SLC29A4: variants seen among roughly 807,000 people sequenced by gnomAD.
The protein encoded by SLC29A4 is solute carrier family 29 member 4, also known as equilibrative nucleoside transporter 4.
A neutral mutation model predicts 43.9 loss-of-function variants in SLC29A4; 36 were observed. The ratio of observed to expected loss-of-function variants is 0.82; its 90% confidence interval spans 0.63 to 1.08. The LOEUF is 1.08. Ranked by LOEUF, SLC29A4 falls within the 50% of genes least tolerant of loss-of-function variation. The probability of loss-of-function intolerance (pLI) is 0.00; values close to 1 mark genes in which losing one functional copy is unlikely to be tolerated. For synonymous variants in SLC29A4, 491 were observed against 338.0 expected, an observed-to-expected ratio of 1.45 and a Z score of -4.97; for missense variants, 869 against 755.3, an observed-to-expected ratio of 1.15 and a Z score of -1.77.
At chr7:5,302,586 C>T (rs1208891097) in intron 10 of SLC29A4, among the ~76,000 whole-genome samples, 5 of 152,176 alleles carry the variant, frequency 3.3e-5, no homozygotes, top group Non-Finnish European at 2.9e-5. Context: ...AGAAGGCAGG[C>T]AAGGCCTGGA....
chr7:5,296,478 G>A (rs1420532001), intron 6 of SLC29A4, among the ~76,000 whole-genome samples: 1 of 134,376 alleles, frequency 7.4e-6, no homozygotes, highest in East Asian at 2.3e-4. Context: ...TGGGGCGGGA[G>A]AGACGGGACT....
rs1222961739 is a variant in SLC29A4 at position 5,303,552 on chromosome 7, C to T, written c.*613C>T. On this transcript the variant is annotated 3_prime_UTR_variant, in exon 11 of 11. Transcript: ENST00000396872. ...TCCGAATGGACCCGCCTGCGGTCTG[C>T]ATCAGCCTCTGGGAAACCACAGCAG... 3 of 153,878 alleles carry T rather than the reference C, an allele frequency of 1.9e-5. No individual in the cohort carries two copies. Among genetic ancestry groups the T allele is most frequent in the African/African-American group, 4.8e-5 (2 of 41,468 alleles). 9.5% of individuals were successfully genotyped at this position (153,878 alleles called of 1,614,324 possible).
chr7:5,300,434 C>T lies in SLC29A4; in HGVS notation c.1222C>T (p.Leu408=). The stretch of plus-strand genomic sequence containing the variant: ...TGGCTCTCTGCAGATCCTGGCAGCC[C>T]TGCCCGTGGACTGGCGGGGCACCCA... The part of the protein sequence containing the change: ...SDFVGKILAA[L]PVDWRGTHLL... Residue 408 remains leucine, a synonymous_variant, in exon 10 of 11, where the codon CTG becomes TTG. Transcript: ENST00000396872. 1 of 1,611,436 alleles carries T rather than the reference C, an allele frequency of 6.2e-7. No individual in the cohort carries two copies. The highest frequency in any genetic ancestry group is 8.5e-7 in the Non-Finnish European group (1 of 1,179,730).
rs1356949615 is a variant in SLC29A4, at chr7:5,304,394, T to G, written c.*1455T>G. ...GTGGGCGGGGCTTGGCCCCTGCCCC[T>G]CAGGGACTGCACTGCATCCTAGGAG... On this transcript the variant is annotated 3_prime_UTR_variant, in exon 11 of 11. Coordinates refer to ENST00000396872, the MANE Select transcript of SLC29A4 (RefSeq NM_153247.4). 3 of 140,060 alleles carry G rather than the reference T, an allele frequency of 2.1e-5. No individual in the cohort carries two copies. Among genetic ancestry groups the G allele is most frequent in the Admixed American group, 1.6e-4 (2 of 12,642 alleles). 8.7% of individuals were successfully genotyped at this position (140,060 alleles called of 1,614,324 possible).
Position 5,291,698 on chromosome 7 carries a change from C to A in SLC29A4, c.421C>A (p.Leu141Ile), listed in dbSNP as rs369629866. Residue 141 changes from leucine (L) to isoleucine (I), a missense_variant, in exon 5 of 11, where the codon CTC becomes ATC. By Grantham distance (5) the Leu-to-Ile change is conservative. Coordinates refer to ENST00000396872, the MANE Select transcript of SLC29A4 (RefSeq NM_153247.4). ...TLHTRITAGY[L>I]LALGPLLFIS... is the part of the protein sequence containing the mutation. ...ACTAGCCTCTCCCCCAACAGGCTAC[C>A]TCTTAGCCTTGGGCCCTCTCCTTTT... The A allele has an allele frequency of 1.2e-5, 19 of 1,609,840 alleles. No homozygotes were observed. Among genetic ancestry groups the A allele is most frequent in the Non-Finnish European group, 1.6e-5 (19 of 1,178,632 alleles).
chr7:5,290,957 G>T, intron 3 of SLC29A4, 94 bp downstream of exon 3: 2 of 1,546,698 alleles, frequency 1.3e-6, no homozygotes, highest in Non-Finnish European at 8.7e-7. Context: ...TCCTACACGG[G>T]GACCTGTTTT....
chr7:5,294,619 C>T (rs1233857609), intron 5 of SLC29A4, among the ~76,000 whole-genome samples: 7 of 152,260 alleles, frequency 4.6e-5, no homozygotes, highest in Middle Eastern at 3.4e-3. Context: ...CACTGCCTTG[C>T]CCAGTAGTGA....
intron 1 of SLC29A4, among the ~76,000 whole-genome samples, chr7:5,287,340 C>T (rs1785016315): frequency 1.3e-5 from 2 of 151,888 alleles, no homozygotes; most frequent in Non-Finnish European, 2.9e-5. Context: ...ATCCCTTGAG[C>T]CCAGGAGGTC....
At chr7:5,286,599 C>T (rs1197856396) in intron 1 of SLC29A4, among the ~76,000 whole-genome samples, 1 of 152,030 alleles carries the variant, frequency 6.6e-6, no homozygotes, top group Non-Finnish European at 1.5e-5. Flanking sequence ...CAGGGCTGCC[C>T]ACACAGTGCA....
rs1005996849 is a variant in SLC29A4, at chr7:5,303,697, G to A, written c.*758G>A. 6 of 152,370 alleles carry A rather than the reference G, an allele frequency of 3.9e-5. No homozygotes were observed. Among genetic ancestry groups the A allele is most frequent in the Admixed American group, 1.3e-4 (2 of 15,284 alleles). The allele number at this position is 152,370 out of a possible 1,614,324, so 9.4% of individuals were successfully genotyped here. ...TCCTGGCCCGGGATAGAAGAGGGGAGGTAAGTCTGGGGGCTACGAAGCCGG... is the reference window on the plus strand; with the variant it reads ...TCCTGGCCCGGGATAGAAGAGGGGAAGTAAGTCTGGGGGCTACGAAGCCGG... On this transcript the variant is annotated 3_prime_UTR_variant, in exon 11 of 11. Coordinates refer to ENST00000396872, the MANE Select transcript of SLC29A4 (RefSeq NM_153247.4).
chr7:5,292,017 TGC>T (rs1416858039), intron 5 of SLC29A4, among the ~76,000 whole-genome samples, 196 bp downstream of exon 5: 1 of 152,248 alleles, frequency 6.6e-6, no homozygotes, highest in African/African-American at 2.4e-5. Flanking sequence ...CTGCAGTGTG[TGC>T]GCAGCGTGTA....
chr7:5,291,542 GT>G (rs1197596362), intron 4 of SLC29A4, 150 bp from the exon 5 acceptor site: 1 of 1,062,328 alleles, frequency 9.4e-7, no homozygotes, highest in African/African-American at 1.6e-5. Context: ...AGCCCTCCAG[GT>G]GCCCCTGTTA....
At chr7:5,296,772 G>T (rs1411097243) in intron 6 of SLC29A4, among the ~76,000 whole-genome samples, 164 bp from the exon 7 acceptor site, 1 of 127,736 alleles carries the variant, frequency 7.8e-6, no homozygotes. Context: ...TGTGGGTGGG[G>T]GCAGGGCCTG....
intron 7 of SLC29A4, 41 bp from the exon 8 acceptor site, chr7:5,298,947 C>G: frequency 6.3e-7 from 1 of 1,589,786 alleles, no homozygotes; most frequent in Non-Finnish European, 8.5e-7. Flanking sequence ...CTCCTGTCCT[C>G]CCTTCCACTC....
rs1304893218 is a variant in SLC29A4, at chr7:5,305,299, C to T, written c.*2360C>T. On this transcript the variant is annotated 3_prime_UTR_variant, in exon 11 of 11. Transcript: ENST00000396872. ...GTGTTTCCCAGAGCCCATGCCGGGC[C>T]CTTCCCTTGCCCGAGGCCGGCTGGC... 2 of 152,316 alleles carry T rather than the reference C, an allele frequency of 1.3e-5. No homozygotes were observed. Among genetic ancestry groups the T allele is most frequent in the African/African-American group, 4.8e-5 (2 of 41,464 alleles). 9.4% of individuals were successfully genotyped at this position (152,316 alleles called of 1,614,324 possible).
In SLC29A4 at chr7:5,304,790, C is replaced by A. The variant is rs1468767585; in HGVS notation, c.*1851C>A. On this transcript the variant is annotated 3_prime_UTR_variant, in exon 11 of 11. Coordinates refer to ENST00000396872, the MANE Select transcript of SLC29A4 (RefSeq NM_153247.4). ...AAGTGTTGGGATTACAGGTGTGAGCCACTGCACCCGTCCTGTGCCTCATTT... is the reference window on the plus strand; with the variant it reads ...AAGTGTTGGGATTACAGGTGTGAGCAACTGCACCCGTCCTGTGCCTCATTT... 6.6e-6 allele frequency: 1 copy of A among 152,126 alleles called. No individual in the cohort carries two copies. Among genetic ancestry groups the A allele is most frequent in the African/African-American group, 2.4e-5 (1 of 41,388 alleles). 9.4% of individuals were successfully genotyped at this position (152,126 alleles called of 1,614,324 possible). A position where few individuals can be genotyped will look rare whatever the true frequency, so the allele number is the denominator to read the frequency against.
intron 5 of SLC29A4, among the ~76,000 whole-genome samples, 153 bp downstream of exon 5, chr7:5,291,974 C>A (rs566901520): frequency 2.6e-5 from 4 of 152,162 alleles, no homozygotes; most frequent in African/African-American, 9.6e-5. Context: ...GCGTGCACAC[C>A]GGCTCACACC....
At chr7:5,284,103 T>G (rs1272502494) in intron 1 of SLC29A4, among the ~76,000 whole-genome samples, 1 of 146,028 alleles carries the variant, frequency 6.8e-6, no homozygotes, top group Non-Finnish European at 1.5e-5. Flanking sequence ...TGAGGGGCCT[T>G]GGCCAGAAGC....
chr7:5,286,522 CAA>C (rs57020511), intron 1 of SLC29A4, among the ~76,000 whole-genome samples: 2 of 114,742 alleles, frequency 1.7e-5, no homozygotes. Flanking sequence ...GACTCCATCT[CAA>C]AAAAAAAAAA....
Sources: allele counts gnomAD v4.1 joint callset (sites outside exome capture counted in the v4.1 genomes callset), GRCh38; gene constraint gnomAD v4.1.1; transcripts MANE v1.5; gene names NCBI Gene and HGNC (gene_info 2026-07-23, HGNC 2026-07-21).